FAM78B: variants seen among roughly 807,000 people sequenced by gnomAD.
The protein encoded by FAM78B is family with sequence similarity 78 member B, also known as protein FAM78B.
Under a neutral mutation model 20.0 loss-of-function variants are expected in FAM78B, and 10 were observed. That is an observed-to-expected ratio of 0.50 (90% CI 0.31 to 0.85). The LOEUF is 0.85. Among genes scored for constraint, FAM78B ranks in the 40% least tolerant of loss-of-function variants. The pLI is 0.05. For synonymous variants in FAM78B, 135 were observed against 132.8 expected (o/e 1.02, Z -0.12); for missense variants, 283 against 345.0 (o/e 0.82, Z 1.42).
chr1:166,088,488 A>T (rs904545236), intron 1 of FAM78B, among the ~76,000 whole-genome samples: 32 of 152,328 alleles, frequency 2.1e-4, no homozygotes, highest in African/African-American at 7.2e-4. Flanking sequence ...ACTCAGCAGC[A>T]TGACTGTCAC....
intron 1 of FAM78B, among the ~76,000 whole-genome samples, chr1:166,103,415 G>A (rs1273574707): frequency 6.6e-6 from 1 of 152,170 alleles, no homozygotes. Flanking sequence ...GAATCCAGGA[G>A]CTGGTTTTTT....
At chr1:166,073,315 C>T (rs1428054823) in intron 1 of FAM78B, among the ~76,000 whole-genome samples, 1 of 152,204 alleles carries the variant, frequency 6.6e-6, no homozygotes, top group African/African-American at 2.4e-5. Context: ...GGCATGTTCT[C>T]TTCCATAGCC....
chr1:166,103,672 A>G (rs1653633309), intron 1 of FAM78B, among the ~76,000 whole-genome samples: 1 of 152,226 alleles, frequency 6.6e-6, no homozygotes, highest in Admixed American at 6.5e-5. Context: ...GAATCTCTGA[A>G]TAGACCGATA....
chr1:166,109,860 A>ATG (rs1476047343), intron 1 of FAM78B, among the ~76,000 whole-genome samples: 4 of 22,494 alleles, frequency 1.8e-4, no homozygotes, highest in Non-Finnish European at 2.8e-4. Context: ...ATATATATAT[A>ATG]TGTATGTGTA....
intron 1 of FAM78B, among the ~76,000 whole-genome samples, chr1:166,115,651 G>A (rs1654226621): frequency 6.6e-6 from 1 of 152,162 alleles, no homozygotes; most frequent in Non-Finnish European, 1.5e-5. Context: ...TCTATCAAAG[G>A]TTGACAAAGA....
intron 1 of FAM78B, among the ~76,000 whole-genome samples, chr1:166,146,442 C>T (rs561881166): frequency 4.2e-4 from 64 of 152,224 alleles, no homozygotes; most frequent in African/African-American, 1.3e-3. Flanking sequence ...GGCTGCTGAC[C>T]GGACAGGTAG....
downstream of FAM78B, among the ~76,000 whole-genome samples, chr1:166,068,710 G>A (rs929099446): frequency 2.6e-5 from 4 of 152,210 alleles, no homozygotes; most frequent in African/African-American, 7.2e-5. Flanking sequence ...TAAGCTAGCA[G>A]TGTCTACTTC....
chr1:166,104,201 T>C (rs982318564), intron 1 of FAM78B, among the ~76,000 whole-genome samples: 1 of 152,160 alleles, frequency 6.6e-6, no homozygotes, highest in African/African-American at 2.4e-5. Flanking sequence ...ATGGGACGTA[T>C]CTCAAAATAA....
intron 2 of FAM78B, among the ~76,000 whole-genome samples, chr1:166,060,847 T>C (rs1313635424): frequency 7.9e-6 from 1 of 126,050 alleles, no homozygotes; most frequent in East Asian, 2.3e-4. Context: ...CTATAAAGAA[T>C]ATATAACTTT....
Position 166,166,393 on chromosome 1 carries a change from G to A in FAM78B, c.-145C>T, listed in dbSNP as rs891943712. 2.9e-6 allele frequency: 2 copies of A among 687,996 alleles called. No homozygotes were observed. The highest frequency in any genetic ancestry group is 3.6e-6 in the Non-Finnish European group (2 of 550,602). 42.6% of individuals were successfully genotyped at this position (687,996 alleles called of 1,614,324 possible). ...CGCACCTAGGAGCGGGGAGCCGCCG[G>A]GCATCCTTGGGGAAGCCCCCTCCTC... is the stretch of plus-strand genomic sequence containing the variant. On this transcript the variant is annotated 5_prime_UTR_variant, in exon 1 of 2. Transcript: ENST00000354422.
At chr1:166,163,463 T>C (rs1173199273) in intron 1 of FAM78B, among the ~76,000 whole-genome samples, 2 of 152,256 alleles carry the variant, frequency 1.3e-5, no homozygotes, top group Non-Finnish European at 2.9e-5. Flanking sequence ...TGCCATTTTA[T>C]GTTGTGGATT....
chr1:166,059,191 G>C (rs10800179), exon 3 of FAM78B: 44,284 of 152,526 alleles, frequency 0.29, 6,576 homozygotes, highest in African/African-American at 0.31. Flanking sequence ...GGAGCAGCCC[G>C]CAGGCTGGAT....
At chr1:166,111,594 T>A (rs1042208921) in intron 1 of FAM78B, among the ~76,000 whole-genome samples, 2 of 152,194 alleles carry the variant, frequency 1.3e-5, no homozygotes. Flanking sequence ...TATCACTTCC[T>A]TTTGGTCACC....
exon 3 of FAM78B, chr1:166,060,521 T>C (rs1301885265): frequency 1.4e-5 from 14 of 1,023,224 alleles, no homozygotes; most frequent in African/African-American, 3.3e-5. Context: ...GGCGAGGAGG[T>C]AGGCAGGATG....
intron 1 of FAM78B, among the ~76,000 whole-genome samples, chr1:166,131,054 C>A (rs978677267): frequency 6.9e-6 from 1 of 145,236 alleles, no homozygotes; most frequent in African/African-American, 2.6e-5. Flanking sequence ...TGCAGTGGTG[C>A]AATCTTGGCT....
chr1:166,068,248 G>A (rs1050318950), downstream of FAM78B, among the ~76,000 whole-genome samples: 2 of 152,138 alleles, frequency 1.3e-5, no homozygotes, highest in African/African-American at 4.8e-5. Flanking sequence ...TGGAAAATAA[G>A]CTGCTTTGTA....
At chr1:166,121,631 C>T (rs1571182082) in intron 1 of FAM78B, among the ~76,000 whole-genome samples, 1 of 152,238 alleles carries the variant, frequency 6.6e-6, no homozygotes, top group East Asian at 1.9e-4. Flanking sequence ...GCCCCATGTA[C>T]CAATAATGCC....
At chr1:166,127,533 C>A (rs2101774874) in intron 1 of FAM78B, among the ~76,000 whole-genome samples, 1 of 152,272 alleles carries the variant, frequency 6.6e-6, no homozygotes, top group East Asian at 1.9e-4. Context: ...CCAACTGGGG[C>A]CTACTGTATG....
chr1:166,085,962 GTAT>G (rs1652812454), intron 1 of FAM78B, among the ~76,000 whole-genome samples: 1 of 152,116 alleles, frequency 6.6e-6, no homozygotes, highest in Non-Finnish European at 1.5e-5. Context: ...CAAATGTCAG[GTAT>G]TATTAATACT....
Sources: gnomAD v4.1 joint callset for allele counts (sites outside exome capture counted in the v4.1 genomes callset) on GRCh38, gnomAD v4.1.1 for gene constraint, MANE v1.5 for transcripts, NCBI Gene and HGNC (gene_info 2026-07-23, HGNC 2026-07-21) for gene names.